HS6ST3: variants seen among roughly 807,000 people sequenced by gnomAD.
The protein encoded by HS6ST3 is heparan-sulfate 6-O-sulfotransferase 3.
A neutral mutation model predicts 36.7 loss-of-function variants in HS6ST3; 12 were observed. The ratio of observed to expected loss-of-function variants is 0.33; its 90% CI spans 0.21 to 0.53. The LOEUF (loss-of-function observed/expected upper bound fraction) is 0.53. HS6ST3 is among the 20% of genes least tolerant of loss of function. The probability of loss-of-function intolerance (pLI) is 0.95; values close to 1 mark genes in which losing one functional copy is unlikely to be tolerated. For synonymous variants in HS6ST3, 240 were observed against 257.5 expected (o/e 0.93, Z 0.65); for missense variants, 584 against 640.9 (o/e 0.91, Z 0.96).
chr13:96,658,729 G>A (rs2056635999), intron 1 of HS6ST3, among the ~76,000 whole-genome samples: 1 of 151,262 alleles, frequency 6.6e-6, no homozygotes, highest in Admixed American at 6.6e-5. Flanking sequence ...TTTTGAGATG[G>A]AGTTTCACTT....
At chr13:96,436,010 AAAG>A (rs1376739137) in intron 1 of HS6ST3, among the ~76,000 whole-genome samples, 1 of 152,126 alleles carries the variant, frequency 6.6e-6, no homozygotes, top group Non-Finnish European at 1.5e-5. Flanking sequence ...TCTTTCTTGG[AAAG>A]AAGATCTTGC....
intron 1 of HS6ST3, among the ~76,000 whole-genome samples, chr13:96,632,920 T>G (rs1396373295): frequency 6.6e-6 from 1 of 152,182 alleles, no homozygotes; most frequent in Non-Finnish European, 1.5e-5. Flanking sequence ...AATATGTGAG[T>G]GAGATGTGCA....
chr13:96,658,214 C>A (rs1285331538), intron 1 of HS6ST3, among the ~76,000 whole-genome samples: 1 of 147,338 alleles, frequency 6.8e-6, no homozygotes, highest in Admixed American at 6.8e-5. Flanking sequence ...GCTATGTACT[C>A]TTCTGTTATA....
intron 1 of HS6ST3, among the ~76,000 whole-genome samples, chr13:96,624,101 A>T (rs1425841019): frequency 6.6e-5 from 10 of 152,224 alleles, no homozygotes; most frequent in Non-Finnish European, 1.3e-4. Flanking sequence ...CATACAAAAC[A>T]TAAAATATGT....
chr13:96,153,522 G>A (rs1566894785), intron 1 of HS6ST3, among the ~76,000 whole-genome samples: 1 of 152,070 alleles, frequency 6.6e-6, no homozygotes, highest in African/African-American at 2.4e-5. Flanking sequence ...GAAAGGTTAG[G>A]TTGTAGCTCC....
At chr13:96,360,754 C>T (rs2055234129) in intron 1 of HS6ST3, among the ~76,000 whole-genome samples, 1 of 151,748 alleles carries the variant, frequency 6.6e-6, no homozygotes, top group Non-Finnish European at 1.5e-5. Context: ...TGAGACCAGC[C>T]AGGCCAACAT....
At chr13:96,727,471 G>A (rs566215295) in intron 1 of HS6ST3, among the ~76,000 whole-genome samples, 49 of 152,078 alleles carry the variant, frequency 3.2e-4, no homozygotes, top group African/African-American at 1.1e-3. Context: ...GATTGTTACA[G>A]TGGCTTTGCA....
chr13:96,748,459 T>G (rs1203342834), intron 1 of HS6ST3, among the ~76,000 whole-genome samples: 2 of 152,020 alleles, frequency 1.3e-5, no homozygotes, highest in Non-Finnish European at 2.9e-5. Context: ...TGGAGGAAAG[T>G]TTTTGGTCCT....
chr13:96,426,946 T>C (rs1303633741), intron 1 of HS6ST3, among the ~76,000 whole-genome samples: 1 of 152,196 alleles, frequency 6.6e-6, no homozygotes, highest in Non-Finnish European at 1.5e-5. Flanking sequence ...AGAGTTGTTC[T>C]CTACACATAT....
intron 1 of HS6ST3, among the ~76,000 whole-genome samples, chr13:96,205,384 A>G (rs1018064707): frequency 2.0e-5 from 3 of 152,180 alleles, no homozygotes; most frequent in Non-Finnish European, 4.4e-5. Context: ...TCACAGCTGA[A>G]TTCTACCAGA....
intron 1 of HS6ST3, among the ~76,000 whole-genome samples, chr13:96,485,669 G>A (rs1391352281): frequency 6.6e-6 from 1 of 152,082 alleles, no homozygotes; most frequent in African/African-American, 2.4e-5. Context: ...TAGTGGGAAA[G>A]CTTCAAATTT....
intron 1 of HS6ST3, among the ~76,000 whole-genome samples, chr13:96,677,899 TA>T (rs2056704683): frequency 6.6e-6 from 1 of 152,198 alleles, no homozygotes; most frequent in South Asian, 2.1e-4. Context: ...GAAATATTTT[TA>T]GAGCTCGGGC....
At chr13:96,510,768 C>T (rs1018646652) in intron 1 of HS6ST3, among the ~76,000 whole-genome samples, 1 of 152,034 alleles carries the variant, frequency 6.6e-6, no homozygotes, top group Non-Finnish European at 1.5e-5. Context: ...TGTCATTCTC[C>T]TCACTCAGCC....
chr13:96,486,309 G>A (rs1212583665), intron 1 of HS6ST3, among the ~76,000 whole-genome samples: 3 of 152,060 alleles, frequency 2.0e-5, no homozygotes, highest in Non-Finnish European at 2.9e-5. Context: ...ATTGTGAATA[G>A]TGCCTCAATA....
At chr13:96,799,238 G>T (rs1877983090) in intron 1 of HS6ST3, among the ~76,000 whole-genome samples, 1 of 152,214 alleles carries the variant, frequency 6.6e-6, no homozygotes. Context: ...CAGTGTAAAA[G>T]TGTTCCTGTT....
chr13:96,763,075 G>T (rs535502714), intron 1 of HS6ST3, among the ~76,000 whole-genome samples: 2 of 152,222 alleles, frequency 1.3e-5, no homozygotes, highest in South Asian at 2.1e-4. Context: ...GATGTGGCAT[G>T]TTTCTTGTTT....
intron 1 of HS6ST3, among the ~76,000 whole-genome samples, chr13:96,123,042 C>T (rs1044654101): frequency 2.6e-5 from 4 of 152,158 alleles, no homozygotes; most frequent in African/African-American, 9.7e-5. Flanking sequence ...CTTTTCAAAC[C>T]TCCAGTCATT....
chr13:96,213,680 G>A (rs2139358680), intron 1 of HS6ST3, among the ~76,000 whole-genome samples: 1 of 152,236 alleles, frequency 6.6e-6, no homozygotes, highest in East Asian at 1.9e-4. Context: ...AGAAAACTAG[G>A]AAAACTCCTG....
chr13:96,596,992 C>T (rs1242044244), intron 1 of HS6ST3, among the ~76,000 whole-genome samples: 1 of 152,124 alleles, frequency 6.6e-6, no homozygotes, highest in Non-Finnish European at 1.5e-5. Context: ...CCATGTAATA[C>T]TATGCAGCCA....
Sources: allele counts gnomAD v4.1 joint callset (sites outside exome capture counted in the v4.1 genomes callset), GRCh38; gene constraint gnomAD v4.1.1; transcripts MANE v1.5; gene names NCBI Gene and HGNC (gene_info 2026-07-23, HGNC 2026-07-21).